Variants in GRIN2B observed in about 807,000 individuals in gnomAD.
GRIN2B encodes glutamate ionotropic receptor NMDA type subunit 2B.
GRIN2B carries 5 observed loss-of-function variants against 114.5 expected under a neutral mutation model. The ratio of observed to expected loss-of-function variants is 0.04; its 90% CI spans 0.02 to 0.09. The LOEUF is 0.09. Among genes scored for constraint, GRIN2B ranks in the 10% least tolerant of loss-of-function variants. The probability of loss-of-function intolerance (pLI) is 1.00; values close to 1 mark genes in which losing one functional copy is unlikely to be tolerated. For synonymous variants in GRIN2B, 787 were observed against 745.1 expected (o/e 1.06, Z -0.92); for missense variants, 1,108 against 1,943.5 (o/e 0.57, Z 8.08).
chr12:13,961,313 G>A (rs1357622056), intron 2 of GRIN2B, among the ~76,000 whole-genome samples: 1 of 152,046 alleles, frequency 6.6e-6, no homozygotes, highest in Non-Finnish European at 1.5e-5. Flanking sequence ...AGTGGAGGAA[G>A]CAAAGCCTGA....
Position 13,893,031 on chromosome 12 carries a change from T to G in GRIN2B, c.-18-26805A>C, listed in dbSNP as rs372085219. Among the ~76,000 whole-genome samples the G allele has an allele frequency of 1.0e-3, 154 of 152,274 alleles. 3 individuals are homozygous for G. The South Asian group carries it at 0.026, about 25-fold the overall frequency. ...TGACCAAAACCATCCCTGTGACCCCTTGAGAATCATTTAGTTAGCTCTAGA... is the reference window on the plus strand; with the variant it reads ...TGACCAAAACCATCCCTGTGACCCCGTGAGAATCATTTAGTTAGCTCTAGA... On this transcript the variant is annotated intron_variant, in intron 2 of 13. Transcript: ENST00000609686.
At chr12:13,834,808 C>T (rs1865227607) in intron 3 of GRIN2B, among the ~76,000 whole-genome samples, 1 of 152,208 alleles carries the variant, frequency 6.6e-6, no homozygotes, top group African/African-American at 2.4e-5. Flanking sequence ...TAAATCTCAA[C>T]TTCTGTATAT....
chr12:13,852,930 C>T (rs544116053), intron 3 of GRIN2B, among the ~76,000 whole-genome samples: 2 of 152,256 alleles, frequency 1.3e-5, no homozygotes, highest in Non-Finnish European at 2.9e-5. Flanking sequence ...AACTCCGGAG[C>T]ACCTCCTCAG....
chr12:13,948,733 G>T (rs977474419), intron 2 of GRIN2B, among the ~76,000 whole-genome samples: 2 of 152,154 alleles, frequency 1.3e-5, no homozygotes, highest in African/African-American at 4.8e-5. Flanking sequence ...CAAGGATGGT[G>T]TGTCTTGATT....
chr12:13,574,694 A>G (rs1324134888), intron 10 of GRIN2B, among the ~76,000 whole-genome samples: 1 of 152,226 alleles, frequency 6.6e-6, no homozygotes, highest in Non-Finnish European at 1.5e-5. Context: ...ATTTTAAATT[A>G]TTTTTAGATT....
intron 4 of GRIN2B, among the ~76,000 whole-genome samples, chr12:13,721,704 G>A (rs1862883248): frequency 6.6e-6 from 1 of 152,012 alleles, no homozygotes; most frequent in East Asian, 1.9e-4. Context: ...GAGTTCTGAG[G>A]AATGGTCCAA....
At chr12:13,937,434 G>A (rs1311437758) in intron 2 of GRIN2B, among the ~76,000 whole-genome samples, 1 of 151,164 alleles carries the variant, frequency 6.6e-6, no homozygotes, top group Non-Finnish European at 1.5e-5. Context: ...TTAAGTACAG[G>A]GAAACAAGGA....
intron 3 of GRIN2B, among the ~76,000 whole-genome samples, chr12:13,825,496 T>TTGTGTGGTGTGTGTG (rs1865018685): frequency 1.6e-5 from 2 of 122,994 alleles, no homozygotes; most frequent in Non-Finnish European, 3.3e-5. Context: ...TATATATATT[T>TTGTGTGGTGTGTGTG]TGTGTGTGTG....
rs548077526 is a variant in GRIN2B, at chr12:13,590,085, C to T, written c.2011-18121G>A. Among the ~76,000 whole-genome samples, 4 of 152,146 alleles carry T rather than the reference C, an allele frequency of 2.6e-5. No homozygotes were observed. The East Asian group carries it at 7.7e-4, about 29-fold the overall frequency. On this transcript the variant is annotated intron_variant, in intron 10 of 13. Coordinates refer to ENST00000609686, the MANE Select transcript of GRIN2B (RefSeq NM_000834.5). ...AATAATTTGCAATGAAACTAAGGCT[C>T]TTCTCTAAGTCTCTGAGAGAGCTTG...
chr12:13,829,205 C>A (rs1435257297), intron 3 of GRIN2B, among the ~76,000 whole-genome samples: 2 of 152,102 alleles, frequency 1.3e-5, no homozygotes, highest in Admixed American at 6.6e-5. Flanking sequence ...ATTAAAAGAT[C>A]CCATTTTATT....
chr12:13,663,090 C>A (rs929770924), intron 5 of GRIN2B, among the ~76,000 whole-genome samples: 2 of 152,104 alleles, frequency 1.3e-5, no homozygotes, highest in Non-Finnish European at 2.9e-5. Context: ...GATGCTAATG[C>A]TGTTGGTCCA....
intron 3 of GRIN2B, among the ~76,000 whole-genome samples, chr12:13,818,545 G>C (rs1342796475): frequency 6.6e-6 from 1 of 152,256 alleles, no homozygotes; most frequent in South Asian, 2.1e-4. Flanking sequence ...TAGAGATTGA[G>C]AAGCCAAAGC....
intron 2 of GRIN2B, among the ~76,000 whole-genome samples, chr12:13,889,208 AG>A (rs1866216516): frequency 6.6e-6 from 1 of 152,198 alleles, no homozygotes; most frequent in Admixed American, 6.5e-5. Context: ...AGACGTCACT[AG>A]GCAATAGGAA....
intron 8 of GRIN2B, among the ~76,000 whole-genome samples, chr12:13,612,452 G>A (rs1187393452): frequency 6.6e-6 from 1 of 152,104 alleles, no homozygotes; most frequent in Non-Finnish European, 1.5e-5. Context: ...CATCATTAGG[G>A]TATGAGAATA....
At chr12:13,636,220 G>C (rs916658315) in intron 5 of GRIN2B, among the ~76,000 whole-genome samples, 1 of 152,270 alleles carries the variant, frequency 6.6e-6, no homozygotes, top group East Asian at 1.9e-4. Context: ...GCTTTGCTTG[G>C]AGTGTCTAAG....
intron 2 of GRIN2B, among the ~76,000 whole-genome samples, chr12:13,946,729 C>A (rs566222238): frequency 6.6e-6 from 1 of 152,090 alleles, no homozygotes; most frequent in South Asian, 2.1e-4. Flanking sequence ...ATGGTAAAAT[C>A]TTATTACATT....
chr12:13,909,970 C>T (rs185099927), intron 2 of GRIN2B, among the ~76,000 whole-genome samples: 3 of 152,268 alleles, frequency 2.0e-5, no homozygotes, highest in African/African-American at 7.2e-5. Flanking sequence ...TCCAATTAAG[C>T]CAACTAAAAT....
rs557047448 is a variant in GRIN2B, at chr12:13,967,936, A to G, written c.-19+11992T>C. 2.0e-4 allele frequency among the ~76,000 whole-genome samples: 31 copies of G among 152,364 alleles called. No individual in the cohort carries two copies. The South Asian group carries it at 4.6e-3, about 22-fold the overall frequency. On this transcript the variant is annotated intron_variant, in intron 2 of 13. Transcript: ENST00000609686. Reference sequence around the variant, plus strand: ...TGCCCCTGCCTGTGTCACCATCTCCATCTCTTTACTTCTTGGATCATGTAA... The same window carrying G: ...TGCCCCTGCCTGTGTCACCATCTCCGTCTCTTTACTTCTTGGATCATGTAA...
intron 2 of GRIN2B, among the ~76,000 whole-genome samples, chr12:13,869,300 C>A (rs1180972695): frequency 7.0e-6 from 1 of 143,382 alleles, no homozygotes; most frequent in Non-Finnish European, 1.5e-5. Flanking sequence ...TCCTTCAGGA[C>A]CATGGTCTAG....
Sources: allele counts gnomAD v4.1 joint callset (sites outside exome capture counted in the v4.1 genomes callset), GRCh38; gene constraint gnomAD v4.1.1; transcripts MANE v1.5; gene names NCBI Gene and HGNC (gene_info 2026-07-23, HGNC 2026-07-21).